The following ROBO1 variants were observed in gnomAD, a reference collection of about 807,000 sequenced individuals.
ROBO1 encodes roundabout homolog 1.
ROBO1 carries 149 observed loss-of-function variants against 195.9 expected under a neutral mutation model. The ratio of observed to expected loss-of-function variants is 0.76; its 90% CI spans 0.67 to 0.87. ROBO1 has a LOEUF of 0.87. Among genes scored for constraint, ROBO1 ranks in the 40% least tolerant of loss-of-function variants. ROBO1 has a pLI of 0.00. For missense variants in ROBO1, 1,933 were observed against 2,068.3 expected, an observed-to-expected ratio of 0.93 and a Z score of 1.27; for synonymous variants, 816 against 733.2, an observed-to-expected ratio of 1.11 and a Z score of -1.82.
intron 1 of ROBO1, among the ~76,000 whole-genome samples, chr3:79,635,953 CTG>C (rs1945484099): frequency 6.6e-6 from 1 of 152,092 alleles, no homozygotes. Context: ...CTAATATAGA[CTG>C]TTAGTTCCCA....
At chr3:78,851,494 T>C (rs1207031122) in intron 4 of ROBO1, among the ~76,000 whole-genome samples, 1 of 152,200 alleles carries the variant, frequency 6.6e-6, no homozygotes, top group Non-Finnish European at 1.5e-5. Flanking sequence ...TAGCTGTGGA[T>C]ATTATACTCC....
At chr3:78,807,194 G>A (rs1030735986) in intron 4 of ROBO1, among the ~76,000 whole-genome samples, 2 of 152,036 alleles carry the variant, frequency 1.3e-5, no homozygotes, top group African/African-American at 2.4e-5. Flanking sequence ...TACAAGGAGT[G>A]GTAGGATCAA....
chr3:78,884,223 C>T (rs1390442306), intron 4 of ROBO1, among the ~76,000 whole-genome samples: 1 of 152,156 alleles, frequency 6.6e-6, no homozygotes, highest in East Asian at 1.9e-4. Context: ...ATGACAATAA[C>T]AGACCTGCAT....
intron 2 of ROBO1, among the ~76,000 whole-genome samples, chr3:79,547,152 T>C (rs2107659594): frequency 8.9e-6 from 1 of 111,856 alleles, no homozygotes; most frequent in South Asian, 3.1e-4. Flanking sequence ...GCCACTGCAC[T>C]CCAGCCTGGC....
chr3:79,374,541 T>C (rs893807364), intron 2 of ROBO1, among the ~76,000 whole-genome samples: 1 of 152,098 alleles, frequency 6.6e-6, no homozygotes, highest in African/African-American at 2.4e-5. Context: ...AGGGCAATCA[T>C]TAAAATGCAA....
At chr3:78,943,225 A>G (rs770090548) in intron 3 of ROBO1, among the ~76,000 whole-genome samples, 3 of 152,154 alleles carry the variant, frequency 2.0e-5, no homozygotes, top group Non-Finnish European at 4.4e-5. Context: ...CAAAAAAAAC[A>G]AAGAAAGGTT....
At chr3:79,444,572 A>G (rs1331276197) in intron 2 of ROBO1, among the ~76,000 whole-genome samples, 2 of 152,156 alleles carry the variant, frequency 1.3e-5, no homozygotes, top group Admixed American at 6.5e-5. Context: ...TTGAACATTC[A>G]TATGTCCTAC....
chr3:79,534,512 C>T (rs150157014), intron 2 of ROBO1, among the ~76,000 whole-genome samples: 1 of 152,090 alleles, frequency 6.6e-6, no homozygotes, highest in African/African-American at 2.4e-5. Context: ...TTGTTAGATT[C>T]AATTCTCAGA....
At chr3:79,724,156 TTATAG>T (rs978731727) in intron 1 of ROBO1, among the ~76,000 whole-genome samples, 6 of 152,226 alleles carry the variant, frequency 3.9e-5, no homozygotes, top group African/African-American at 1.4e-4. Flanking sequence ...CCTATGCCTG[TTATAG>T]TAGTGTTTTG....
intron 2 of ROBO1, among the ~76,000 whole-genome samples, chr3:79,258,510 T>A (rs2082879401): frequency 6.6e-6 from 1 of 152,188 alleles, no homozygotes; most frequent in Non-Finnish European, 1.5e-5. Flanking sequence ...TCAGTTGGTT[T>A]TTGAATACCA....
At chr3:79,492,181 T>A (rs866740791) in intron 2 of ROBO1, among the ~76,000 whole-genome samples, 55 of 152,112 alleles carry the variant, frequency 3.6e-4, no homozygotes, top group African/African-American at 1.2e-3. Context: ...TCCCAGCACT[T>A]TGGGAGGCCG....
intron 2 of ROBO1, among the ~76,000 whole-genome samples, chr3:79,384,686 T>C (rs1014312356): frequency 1.3e-5 from 2 of 152,042 alleles, no homozygotes; most frequent in African/African-American, 4.8e-5. Flanking sequence ...TAAATTATGA[T>C]AAGTCCTAGA....
intron 1 of ROBO1, among the ~76,000 whole-genome samples, chr3:79,656,404 A>G (rs1329147889): frequency 6.6e-6 from 1 of 152,112 alleles, no homozygotes; most frequent in Non-Finnish European, 1.5e-5. Context: ...TAGGAGGGCG[A>G]ACCATTCTTT....
chr3:79,067,280 A>T (rs187901903), intron 3 of ROBO1, among the ~76,000 whole-genome samples: 1 of 152,124 alleles, frequency 6.6e-6, no homozygotes, highest in Non-Finnish European at 1.5e-5. Flanking sequence ...CATTATAGAA[A>T]CTGTCTTAAG....
intron 1 of ROBO1, among the ~76,000 whole-genome samples, chr3:79,592,322 T>TA (rs1359504694): frequency 1.3e-5 from 2 of 152,120 alleles, no homozygotes; most frequent in Non-Finnish European, 2.9e-5. Context: ...AGGCAGATAT[T>TA]ATTTCAAATA....
At chr3:79,334,665 T>C (rs1306396078) in intron 2 of ROBO1, among the ~76,000 whole-genome samples, 3 of 151,902 alleles carry the variant, frequency 2.0e-5, no homozygotes, top group Non-Finnish European at 4.4e-5. Context: ...CACTAACAGG[T>C]TGGTGTTTTG....
At chr3:79,682,736 C>T (rs1349267471) in intron 1 of ROBO1, among the ~76,000 whole-genome samples, 1 of 151,958 alleles carries the variant, frequency 6.6e-6, no homozygotes, top group Non-Finnish European at 1.5e-5. Flanking sequence ...TTCCTCATTA[C>T]AGAATTGCCC....
chr3:79,414,250 G>C (rs1242710443), intron 2 of ROBO1, among the ~76,000 whole-genome samples: 1 of 150,070 alleles, frequency 6.7e-6, no homozygotes, highest in East Asian at 2.0e-4. Context: ...CTCTTTCTCT[G>C]TGTGTGTATG....
At chr3:79,659,097 C>T (rs1437319288) in intron 1 of ROBO1, among the ~76,000 whole-genome samples, 2 of 151,988 alleles carry the variant, frequency 1.3e-5, no homozygotes, top group Non-Finnish European at 2.9e-5. Context: ...AGTTTTACAT[C>T]TACGTATCAT....
Sources: allele counts gnomAD v4.1 joint callset (sites outside exome capture counted in the v4.1 genomes callset), GRCh38; gene constraint gnomAD v4.1.1; transcripts MANE v1.5; gene names NCBI Gene and HGNC (gene_info 2026-07-23, HGNC 2026-07-21).